The following SH3TC1 variants were observed in gnomAD, a reference collection of about 807,000 sequenced individuals.
SH3TC1 encodes SH3 domain and tetratricopeptide repeats 1, also known as SH3 domain and tetratricopeptide repeat-containing protein 1.
In SH3TC1, 135 loss-of-function variants were observed where a neutral mutation model predicts 117.3. That is an observed-to-expected ratio of 1.15 (90% confidence interval 1.00 to 1.33). The LOEUF is 1.33. SH3TC1 is among the 40% of genes most tolerant of loss of function. The pLI, the probability that SH3TC1 is intolerant of heterozygous loss-of-function variation, is 0.00. For synonymous variants in SH3TC1, 898 were observed against 816.9 expected, an observed-to-expected ratio of 1.10 and a Z score of -1.69; for missense variants, 2,092 against 1,794.3, an observed-to-expected ratio of 1.17 and a Z score of -3.00.
At position 8,237,491 on chromosome 4, in the gene SH3TC1, C is replaced by T. The variant is rs6845630; in HGVS notation, c.3574C>T (p.Arg1192Cys). 1.5e-5 allele frequency: 24 copies of T among 1,592,058 alleles called. No individual in the cohort carries two copies. Among genetic ancestry groups the T allele is most frequent in the East Asian group, 4.5e-5 (2 of 44,158 alleles). ...CACCCCAGGGGACCGGCTGAACGAG[C>T]GCGTGGCCTACCACCGGCTGGCCGC... is the stretch of plus-strand genomic sequence containing the variant. Reference protein sequence around the residue: ...SITLGDRLNERVAYHRLAALQ... With the variant: ...SITLGDRLNECVAYHRLAALQ... Residue 1192 changes from arginine (R) to cysteine (C), a missense_variant, in exon 17 of 18, where the codon CGC becomes TGC. Arg to Cys is a radical substitution (Grantham distance 180). Coordinates refer to ENST00000245105, the MANE Select transcript of SH3TC1 (RefSeq NM_018986.5).
chr4:8,216,882 G>A, intron 6 of SH3TC1, 75 bp from the exon 7 acceptor site: 1 of 1,481,310 alleles, frequency 6.8e-7, no homozygotes, highest in Non-Finnish European at 9.4e-7. Flanking sequence ...TGTCTGTCCG[G>A]CAGGGGTGTG....
Position 8,216,179 on chromosome 4 carries a change from G to A in SH3TC1, c.550G>A (p.Glu184Lys). The change falls in exon 6 of 18, where the codon GAG becomes AAG. Residue 184 changes from glutamate (E) to lysine (K), a missense_variant. Physicochemically the swap from Glu to Lys is moderately conservative, Grantham distance 56. Transcript: ENST00000245105. ...QAFWLLLPSEEEETAIQVHVD... is the reference protein window; with the variant it reads ...QAFWLLLPSEKEETAIQVHVD... ...CTTCTGGCTGCTCTTGCCCAGTGAG[G>A]AGGAGGAGACGGCCATCCAAGTCCA... The A allele has an allele frequency of 6.2e-7, 1 of 1,613,902 alleles. No homozygotes were observed. Among genetic ancestry groups the A allele is most frequent in the African/African-American group, 1.3e-5 (1 of 75,062 alleles).
In SH3TC1 at chr4:8,212,744, G is replaced by A; in HGVS notation, c.291G>A (p.Leu97=). 1 of 1,612,882 alleles carries A rather than the reference G, an allele frequency of 6.2e-7. No individual in the cohort carries two copies. The highest frequency in any genetic ancestry group is 1.1e-5 in the South Asian group (1 of 91,018). The part of the protein sequence containing the change: ...QLLAVRRKSR[L]RDPGLQQTLR... ...TGGCTGTGCGGAGGAAGAGCAGACTGCGGGACCCCGGCCTACAGCAGACCC... is the reference window on the plus strand; with the variant it reads ...TGGCTGTGCGGAGGAAGAGCAGACTACGGGACCCCGGCCTACAGCAGACCC... The change falls in exon 4 of 18, where the codon CTG becomes CTA. Residue 97 remains leucine (L), a synonymous_variant. Coordinates refer to ENST00000245105, the MANE Select transcript of SH3TC1 (RefSeq NM_018986.5).
rs118092911 is a variant in SH3TC1 at position 8,211,538 on chromosome 4, C to T, written c.248-1163C>T. On this transcript the variant is annotated intron_variant, in intron 3 of 17. Coordinates refer to ENST00000245105, the MANE Select transcript of SH3TC1 (RefSeq NM_018986.5). ...TCCTTCTCCCCTTCTACTCCTCATT[C>T]TCTTCCCCTCTCCCCACCTTCTCCC... 2.1e-3 allele frequency among the ~76,000 whole-genome samples: 234 copies of T among 109,204 alleles called. 8 individuals carry two copies. The East Asian group carries it at 0.062, about 29-fold the overall frequency. The allele number at this position is 109,204 out of a possible 152,430, so 71.6% of individuals were successfully genotyped here.
intron 5 of SH3TC1, 50 bp downstream of exon 5, chr4:8,214,630 G>T (rs756935183): frequency 8.4e-6 from 12 of 1,429,820 alleles, no homozygotes; most frequent in Non-Finnish European, 1.2e-5. Flanking sequence ...CCGTCGGAAG[G>T]TGCTGGTTAC....
intron 1 of SH3TC1, among the ~76,000 whole-genome samples, chr4:8,187,546 T>G (rs1466220911): frequency 1.3e-5 from 2 of 151,686 alleles, no homozygotes; most frequent in African/African-American, 4.9e-5. Context: ...TTTGTTTTCT[T>G]TTCTTTTCTT....
upstream of SH3TC1, among the ~76,000 whole-genome samples, chr4:8,194,859 C>T (rs116142849): frequency 8.2e-3 from 1,246 of 152,272 alleles, 7 homozygotes; most frequent in African/African-American, 0.017. Context: ...CCGGGGTTTC[C>T]GGCAATTGAG....
intron 9 of SH3TC1, among the ~76,000 whole-genome samples, chr4:8,219,844 G>A (rs560603040): frequency 1.1e-3 from 170 of 152,330 alleles, no homozygotes; most frequent in African/African-American, 4.0e-3. Flanking sequence ...AAATGTGCTT[G>A]TTCAGAGTTG....
Position 8,209,073 on chromosome 4 carries a change from G to T in SH3TC1, c.173-675G>T, listed in dbSNP as rs563697883. On this transcript the variant is annotated intron_variant, in intron 2 of 17. Transcript: ENST00000245105. This position sits in a 1 kb window ranked among gnomAD's most constrained non-coding sequence, Gnocchi z 5.9. ...AGCAGGGAACCAAGCAACCAGTAGG[G>T]GTCTATGTCCTGGCTCCTACCTGCA... Among the ~76,000 whole-genome samples the T allele has an allele frequency of 2.0e-5, 3 of 152,284 alleles. No individual in the cohort carries two copies. Among genetic ancestry groups the T allele is most frequent in the African/African-American group, 7.2e-5 (3 of 41,546 alleles).
Position 8,227,538 on chromosome 4 carries a change from A to G in SH3TC1, c.1844A>G (p.Lys615Arg). 2.0e-6 allele frequency: 3 copies of G among 1,531,254 alleles called. No homozygotes were observed. Among genetic ancestry groups the G allele is most frequent in the Non-Finnish European group, 2.6e-6 (3 of 1,143,588 alleles). The allele number at this position is 1,531,254 out of a possible 1,614,324, so 94.9% of individuals were successfully genotyped here. A position where few individuals can be genotyped will look rare whatever the true frequency, so the allele number is the denominator to read the frequency against. Residue 615 changes from lysine (K) to arginine (R), a missense_variant, in exon 12 of 18, where the codon AAG becomes AGG. By Grantham distance (26) the Lys-to-Arg change is conservative. Transcript: ENST00000245105. ...ANLASIYRKQ[K>R]NREKCAQVVP... Reference sequence around the variant, plus strand: ...CTGGCCAGCATTTACCGGAAGCAGAAGAACCGGGAGAAGTGTGCACAGGTG... The same window carrying G: ...CTGGCCAGCATTTACCGGAAGCAGAGGAACCGGGAGAAGTGTGCACAGGTG...
chr4:8,200,121 G>T (rs1336779354), intron 1 of SH3TC1, among the ~76,000 whole-genome samples: 1 of 152,234 alleles, frequency 6.6e-6, no homozygotes, highest in Non-Finnish European at 1.5e-5. Flanking sequence ...CGTTGACGAG[G>T]CTCAGATGAG....
intron 9 of SH3TC1, among the ~76,000 whole-genome samples, chr4:8,222,531 G>A (rs1462631852): frequency 4.6e-5 from 7 of 151,660 alleles, no homozygotes; most frequent in Middle Eastern, 3.2e-3. Flanking sequence ...ATGCCACCAC[G>A]CCTGGCTAAT....
At chr4:8,229,191 G>A (rs1388309434) in intron 12 of SH3TC1, 1 of 152,330 alleles carries the variant, frequency 6.6e-6, no homozygotes, top group Non-Finnish European at 1.5e-5. Context: ...TGGGGCTTGT[G>A]GGGTCCTTGG....
chr4:8,238,872 G>T (rs1211581569), intron 17 of SH3TC1, among the ~76,000 whole-genome samples: 2 of 152,196 alleles, frequency 1.3e-5, no homozygotes, highest in East Asian at 3.8e-4. Context: ...GGGTCAAGGG[G>T]CACAGCCCTC....
At chr4:8,212,628 G>C in intron 3 of SH3TC1, 73 bp from the exon 4 acceptor site, 1 of 1,598,838 alleles carries the variant, frequency 6.3e-7, no homozygotes, top group East Asian at 2.2e-5. Flanking sequence ...GAGGCTGGCA[G>C]GTGGAGTACA....
chr4:8,189,896 G>A (rs531657700), intron 1 of SH3TC1, among the ~76,000 whole-genome samples: 3 of 152,182 alleles, frequency 2.0e-5, no homozygotes, highest in African/African-American at 7.2e-5. Flanking sequence ...GAAACGGGAG[G>A]TGTCCAAAGG....
intron 6 of SH3TC1, 69 bp from the exon 7 acceptor site, chr4:8,216,888 G>T (rs1719333669): frequency 1.3e-6 from 2 of 1,513,180 alleles, no homozygotes; most frequent in East Asian, 2.3e-5. Flanking sequence ...TCCGGCAGGG[G>T]TGTGGGGGGC....
chr4:8,191,314 G>C (rs1233902294), intron 1 of SH3TC1, among the ~76,000 whole-genome samples: 1 of 152,204 alleles, frequency 6.6e-6, no homozygotes, highest in Admixed American at 6.5e-5. Context: ...GTTCGGGGGT[G>C]GGTGTCTTCA....
intron 14 of SH3TC1, among the ~76,000 whole-genome samples, chr4:8,234,423 C>CCCAT (rs1387297881): frequency 6.6e-6 from 1 of 151,022 alleles, no homozygotes; most frequent in Non-Finnish European, 1.5e-5. Context: ...CCACCCTCCA[C>CCCAT]CCATCCATCC....
Sources: gnomAD v4.1 joint callset for allele counts (sites outside exome capture counted in the v4.1 genomes callset) on GRCh38, gnomAD v4.1.1 for gene constraint, Gnocchi (gnomAD v3.1) non-coding constraint, MANE v1.5 for transcripts, NCBI Gene and HGNC (gene_info 2026-07-23, HGNC 2026-07-21) for gene names.